The following ZNF536 variants were observed in gnomAD, a reference collection of about 807,000 sequenced individuals.
ZNF536 encodes the protein zinc finger protein 536.
In ZNF536, 13 loss-of-function variants were observed where a neutral mutation model predicts 84.5. The ratio of observed to expected loss-of-function variants is 0.15; its 90% CI spans 0.10 to 0.24. The LOEUF (loss-of-function observed/expected upper bound fraction) is 0.24, where lower values mean the gene tolerates loss of function less well. Among genes scored for constraint, ZNF536 ranks in the 10% least tolerant of loss-of-function variants. ZNF536 has a pLI of 1.00. For synonymous variants in ZNF536, 811 were observed against 742.5 expected (o/e 1.09, Z -1.50); for missense variants, 1,536 against 1,747.5 (o/e 0.88, Z 2.16).
intron 4 of ZNF536, among the ~76,000 whole-genome samples, chr19:30,552,523 C>T (rs941233428): frequency 6.6e-6 from 1 of 152,220 alleles, no homozygotes; most frequent in Non-Finnish European, 1.5e-5. Context: ...CTCCTCCAAC[C>T]CTTGCTGTTG....
rs1169298924 is a variant in ZNF536 at position 30,548,661 on chromosome 19, G to A, written c.3042G>A (p.Glu1014=). The A allele has an allele frequency of 6.2e-7, 1 of 1,614,030 alleles. No homozygotes were observed. Among genetic ancestry groups the A allele is most frequent in the Non-Finnish European group, 8.5e-7 (1 of 1,180,038 alleles). The change falls in exon 4 of 5, where the codon GAG becomes GAA. Residue 1014 remains glutamate, a synonymous_variant. Coordinates refer to ENST00000355537, the MANE Select transcript of ZNF536 (RefSeq NM_014717.3). ...LFCAFTTSSM[E]LMALHLQANH... ...GTGCTTTCACAACGTCCTCCATGGAGCTCATGGCCCTTCATCTCCAGGCCA... is the reference window on the plus strand; with the variant it reads ...GTGCTTTCACAACGTCCTCCATGGAACTCATGGCCCTTCATCTCCAGGCCA...
At chr19:30,307,266 T>C (rs569456012) in intron 2 of ZNF536, among the ~76,000 whole-genome samples, 1 of 151,920 alleles carries the variant, frequency 6.6e-6, no homozygotes, top group Non-Finnish European at 1.5e-5. Flanking sequence ...TTGATTGATA[T>C]GTGAAATATT....
At chr19:30,343,883 T>A (rs938739270) in intron 2 of ZNF536, among the ~76,000 whole-genome samples, 1 of 152,014 alleles carries the variant, frequency 6.6e-6, no homozygotes, top group Non-Finnish European at 1.5e-5. Context: ...CAGCAAGAGG[T>A]TGGCCAACTC....
intron 1 of ZNF536, among the ~76,000 whole-genome samples, chr19:30,682,371 C>T (rs1224919599): frequency 6.6e-6 from 1 of 152,146 alleles, no homozygotes; most frequent in East Asian, 1.9e-4. Flanking sequence ...TGGTTTCTCT[C>T]CCAGAATATA....
intron 1 of ZNF536, among the ~76,000 whole-genome samples, chr19:30,648,829 T>C (rs1008939890): frequency 2.0e-5 from 3 of 152,262 alleles, no homozygotes; most frequent in African/African-American, 4.8e-5. Flanking sequence ...TCATTTAAAC[T>C]GGTTCTTTTA....
intron 2 of ZNF536, among the ~76,000 whole-genome samples, chr19:30,448,747 T>C (rs890338731): frequency 6.6e-6 from 1 of 152,242 alleles, no homozygotes; most frequent in Non-Finnish European, 1.5e-5. Flanking sequence ...AACAGATCTC[T>C]AGAAGAAGGC....
chr19:30,477,873 G>A (rs562538354), intron 2 of ZNF536, among the ~76,000 whole-genome samples: 48 of 152,246 alleles, frequency 3.2e-4, no homozygotes, highest in African/African-American at 1.1e-3. Context: ...AAGTGACCTC[G>A]GTGAGGGAAG....
At chr19:30,504,720 C>G (rs954280757) in intron 2 of ZNF536, among the ~76,000 whole-genome samples, 2 of 150,052 alleles carry the variant, frequency 1.3e-5, no homozygotes, top group Non-Finnish European at 3.0e-5. Context: ...GCATCTGCTT[C>G]TTGTCAGGTA....
intron 1 of ZNF536, among the ~76,000 whole-genome samples, chr19:30,646,863 TA>T (rs1161892324): frequency 7.2e-5 from 11 of 152,126 alleles, no homozygotes; most frequent in Non-Finnish European, 1.6e-4. Flanking sequence ...GTTGTATGTT[TA>T]AAAAAATTAA....
At chr19:30,232,953 TG>T (rs2023184479) in intron 1 of ZNF536, among the ~76,000 whole-genome samples, 1 of 152,238 alleles carries the variant, frequency 6.6e-6, no homozygotes, top group African/African-American at 2.4e-5. Context: ...CTTTATGCGC[TG>T]GGCCTTGTCT....
chr19:30,643,660 G>C (rs533245337), intron 1 of ZNF536, among the ~76,000 whole-genome samples: 6 of 151,572 alleles, frequency 4.0e-5, no homozygotes, highest in East Asian at 1.9e-4. Context: ...ATTTCTGCAG[G>C]GGGGGGTTTT....
intron 3 of ZNF536, among the ~76,000 whole-genome samples, chr19:30,536,150 G>A (rs2045069714): frequency 6.6e-6 from 1 of 152,086 alleles, no homozygotes. Context: ...GGCCTCATGC[G>A]ACCTGCCCAT....
At chr19:30,614,942 A>ATT (rs555419932) in intron 1 of ZNF536, among the ~76,000 whole-genome samples, 503 of 32,304 alleles carry the variant, frequency 0.016, 121 homozygotes, top group South Asian at 0.034. Context: ...CCCCTTTTCA[A>ATT]TTTTTTTTTT....
At chr19:30,439,175 A>G (rs1412941458) in intron 1 of ZNF536, among the ~76,000 whole-genome samples, 1 of 152,094 alleles carries the variant, frequency 6.6e-6, no homozygotes, top group Non-Finnish European at 1.5e-5. Context: ...ACACACGCAC[A>G]CACACACACA....
intron 1 of ZNF536, among the ~76,000 whole-genome samples, chr19:30,575,222 G>A (rs2046688090): frequency 6.6e-6 from 1 of 152,216 alleles, no homozygotes; most frequent in Non-Finnish European, 1.5e-5. Context: ...GCATGGAAAT[G>A]CACAAAAACA....
intron 1 of ZNF536, among the ~76,000 whole-genome samples, chr19:30,664,204 T>TTCTCTCTCTCTCTCTCTC (rs71173915): frequency 3.3e-5 from 3 of 90,736 alleles, no homozygotes; most frequent in Non-Finnish European, 6.4e-5. Context: ...TTGCTGAGTT[T>TTCTCTCTCTCTCTCTCTC]TCTCTCTCTC....
chr19:30,382,675 A>G lies in ZNF536; in HGVS notation c.-3+10119A>G, dbSNP rs192432064. 1.9e-3 allele frequency among the ~76,000 whole-genome samples: 283 copies of G among 152,078 alleles called. 2 individuals carry two copies. Among genetic ancestry groups the G allele is most frequent in the African/African-American group, 6.4e-3 (267 of 41,478 alleles). ...ATGCATCACCCAGACAAAGGCCGAT[A>G]GTGAGGGAAGGAAGTATGGCTTGGC... On this transcript the variant is annotated intron_variant, in intron 1 of 4. Coordinates refer to ENST00000355537, the MANE Select transcript of ZNF536 (RefSeq NM_014717.3).
intron 1 of ZNF536, among the ~76,000 whole-genome samples, chr19:30,655,562 C>G (rs1600165151): frequency 6.6e-6 from 1 of 152,132 alleles, no homozygotes; most frequent in South Asian, 2.1e-4. Flanking sequence ...ACCATGCAAG[C>G]TGCATTGCTA....
At chr19:30,577,632 G>A (rs2046786152) in intron 1 of ZNF536, among the ~76,000 whole-genome samples, 1 of 152,096 alleles carries the variant, frequency 6.6e-6, no homozygotes, top group Non-Finnish European at 1.5e-5. Flanking sequence ...TTCTTTCTCT[G>A]TTGCTCATTA....
Sources: gnomAD v4.1 joint callset for allele counts (sites outside exome capture counted in the v4.1 genomes callset) on GRCh38, gnomAD v4.1.1 for gene constraint, MANE v1.5 for transcripts, NCBI Gene and HGNC (gene_info 2026-07-23, HGNC 2026-07-21) for gene names.